DLG2: variants seen among roughly 807,000 people sequenced by gnomAD.
DLG2 encodes disks large homolog 2.
In DLG2, 45 loss-of-function variants were observed where a neutral mutation model predicts 132.5. The ratio of observed to expected loss-of-function variants is 0.34; its 90% CI spans 0.27 to 0.44. The LOEUF (loss-of-function observed/expected upper bound fraction) is 0.44. Ranked by LOEUF, DLG2 falls within the 20% of genes least tolerant of loss-of-function variation. The pLI is 1.00. For synonymous variants in DLG2, 424 were observed against 419.6 expected, an observed-to-expected ratio of 1.01 and a Z score of -0.13; for missense variants, 1,045 against 1,196.9, an observed-to-expected ratio of 0.87 and a Z score of 1.87.
At chr11:84,517,363 G>A (rs2099276939) in intron 7 of DLG2, among the ~76,000 whole-genome samples, 1 of 151,782 alleles carries the variant, frequency 6.6e-6, no homozygotes, top group Non-Finnish European at 1.5e-5. Flanking sequence ...CTGAAGAGAA[G>A]ACATACAAAT....
chr11:83,699,038 T>A lies in DLG2; in HGVS notation c.1826-65713A>T, dbSNP rs375084410. ...AAATAGTTCTGAATATATGCAAACA[T>A]CAGAAACTTTGGGACCTGTGATCAT... On this transcript the variant is annotated intron_variant, in intron 18 of 27. Transcript: ENST00000376104. Among the ~76,000 whole-genome samples, 15 of 152,308 alleles carry A rather than the reference T, an allele frequency of 9.8e-5. No individual in the cohort carries two copies. In the East Asian group the frequency reaches 2.9e-3, roughly 29 times the overall value.
chr11:85,346,415 C>G (rs1033480474), intron 3 of DLG2, among the ~76,000 whole-genome samples: 3 of 152,026 alleles, frequency 2.0e-5, no homozygotes, highest in African/African-American at 4.8e-5. Flanking sequence ...GTCTTGATCT[C>G]CTGACCTCGT....
intron 6 of DLG2, among the ~76,000 whole-genome samples, chr11:84,688,709 T>C (rs1235326096): frequency 6.6e-6 from 1 of 152,164 alleles, no homozygotes; most frequent in Non-Finnish European, 1.5e-5. Flanking sequence ...ATGTGCATCC[T>C]ACTCCATTTC....
At chr11:85,408,121 A>C (rs958637219) in intron 3 of DLG2, among the ~76,000 whole-genome samples, 1 of 150,720 alleles carries the variant, frequency 6.6e-6, no homozygotes, top group Admixed American at 6.6e-5. Context: ...TTTTATCTTA[A>C]AAATTCTGTA....
intron 6 of DLG2, among the ~76,000 whole-genome samples, chr11:84,831,839 T>G (rs577972748): frequency 1.3e-5 from 2 of 151,790 alleles, no homozygotes; most frequent in South Asian, 4.1e-4. Context: ...AAGTGCAGTT[T>G]CGTGGGATGA....
At chr11:83,888,076 C>T (rs558099337) in intron 15 of DLG2, among the ~76,000 whole-genome samples, 1 of 148,266 alleles carries the variant, frequency 6.7e-6, no homozygotes, top group African/African-American at 2.5e-5. Context: ...TCCTGTTCAA[C>T]ACAGTGTTGG....
chr11:84,928,900 A>C (rs957385725), intron 6 of DLG2, among the ~76,000 whole-genome samples: 2 of 147,946 alleles, frequency 1.4e-5, no homozygotes, highest in African/African-American at 5.0e-5. Flanking sequence ...TTATCTTAAA[A>C]ATTGATATAA....
rs188724825 is a variant in DLG2, at chr11:84,257,173, A to T, written c.520-5882T>A. Among the ~76,000 whole-genome samples the T allele has an allele frequency of 9.2e-5, 14 of 152,258 alleles. No homozygotes were observed. In the East Asian group the frequency reaches 2.7e-3, roughly 29 times the overall value. On this transcript the variant is annotated intron_variant, in intron 7 of 27. Transcript: ENST00000376104. ...ATGTTGGCTTACTCTGGAAAAAAAA[A>T]ATGTGGCATGGTTGGGGGAGTGACT...
intron 15 of DLG2, among the ~76,000 whole-genome samples, chr11:83,881,423 A>G (rs1316449674): frequency 3.9e-5 from 6 of 152,234 alleles, no homozygotes; most frequent in African/African-American, 7.2e-5. Context: ...ACATTCAGTT[A>G]TCAATTTAAT....
chr11:83,493,337 T>TTCCTTCCTTCCC (rs1378880361), intron 21 of DLG2, among the ~76,000 whole-genome samples: 1 of 2,548 alleles, frequency 3.9e-4, no homozygotes, highest in Non-Finnish European at 1.0e-3. Context: ...TTTTCTTTCT[T>TTCCTTCCTTCCC]TCCTTCCTTC....
intron 6 of DLG2, among the ~76,000 whole-genome samples, chr11:84,812,902 T>C (rs185975141): frequency 1.4e-4 from 22 of 152,232 alleles, no homozygotes; most frequent in South Asian, 4.1e-4. Context: ...GTCGTTTTCA[T>C]TGGCTCACTG....
At chr11:84,746,313 T>C (rs2065353843) in intron 6 of DLG2, among the ~76,000 whole-genome samples, 1 of 151,730 alleles carries the variant, frequency 6.6e-6, no homozygotes, top group African/African-American at 2.4e-5. Context: ...TTCCAGAAAC[T>C]GATGCTTCAA....
chr11:84,819,672 A>G (rs998851373), intron 6 of DLG2, among the ~76,000 whole-genome samples: 5 of 151,922 alleles, frequency 3.3e-5, no homozygotes, highest in African/African-American at 1.2e-4. Flanking sequence ...AAGGAGAAGA[A>G]TTTAACAGGA....
intron 3 of DLG2, among the ~76,000 whole-genome samples, chr11:85,411,878 T>C (rs1380905037): frequency 6.6e-6 from 1 of 151,810 alleles, no homozygotes; most frequent in Admixed American, 6.6e-5. Context: ...GAAAAAGCCC[T>C]CCACTTCTAC....
chr11:85,498,493 A>G (rs2093720833), intron 3 of DLG2, among the ~76,000 whole-genome samples: 1 of 152,142 alleles, frequency 6.6e-6, no homozygotes, highest in Admixed American at 6.6e-5. Context: ...AGACTTTAAC[A>G]CCCCATTGTC....
At chr11:83,787,561 T>C (rs1163838382) in intron 17 of DLG2, among the ~76,000 whole-genome samples, 2 of 152,036 alleles carry the variant, frequency 1.3e-5, no homozygotes, top group Non-Finnish European at 2.9e-5. Flanking sequence ...GACCTCGTGA[T>C]CCGCCTGCCT....
intron 18 of DLG2, among the ~76,000 whole-genome samples, chr11:83,671,124 C>T (rs2076755322): frequency 6.6e-6 from 1 of 152,118 alleles, no homozygotes; most frequent in Non-Finnish European, 1.5e-5. Flanking sequence ...ACTATGACAA[C>T]TAAATGGGTT....
Position 83,495,409 on chromosome 11 carries a change from C to T in DLG2, c.2194-11181G>A, listed in dbSNP as rs2094099796. The stretch of plus-strand genomic sequence containing the variant: ...CTAATTTTGGACTGCCCTTCCACTC[C>T]ACCTCATGTTTATCCTGCTGAAGTA... On this transcript the variant is annotated intron_variant, in intron 21 of 27. Coordinates refer to ENST00000376104, the MANE Select transcript of DLG2 (RefSeq NM_001142699.3). 1.3e-5 allele frequency among the ~76,000 whole-genome samples: 2 copies of T among 152,038 alleles called. 1 individual carries two copies. The highest frequency in any genetic ancestry group is 4.1e-4 in the South Asian group (2 of 4,824).
chr11:84,066,800 A>AC (rs2096680888), intron 10 of DLG2, among the ~76,000 whole-genome samples: 1 of 152,124 alleles, frequency 6.6e-6, no homozygotes, highest in Non-Finnish European at 1.5e-5. Context: ...ATGTTAGGTC[A>AC]CAGGGTCTGA....
Sources: gnomAD v4.1 joint callset for allele counts (sites outside exome capture counted in the v4.1 genomes callset) on GRCh38, gnomAD v4.1.1 for gene constraint, MANE v1.5 for transcripts, NCBI Gene and HGNC (gene_info 2026-07-23, HGNC 2026-07-21) for gene names.